Variants in KLHL1 observed in about 807,000 individuals in gnomAD.
KLHL1 encodes kelch-like protein 1.
Under a neutral mutation model 77.7 loss-of-function variants are expected in KLHL1, and 47 were observed. The observed-to-expected ratio is 0.60, with a 90% CI of 0.48 to 0.77. KLHL1 has a LOEUF of 0.77. Ranked by LOEUF, KLHL1 falls within the 30% of genes least tolerant of loss-of-function variation. The pLI, the probability that KLHL1 is intolerant of heterozygous loss-of-function variation, is 0.00. For synonymous variants in KLHL1, 360 were observed against 325.2 expected, an observed-to-expected ratio of 1.11 and a Z score of -1.15; for missense variants, 925 against 910.8, an observed-to-expected ratio of 1.02 and a Z score of -0.20.
intron 1 of KLHL1, among the ~76,000 whole-genome samples, chr13:69,986,044 C>G (rs1282390376): frequency 6.6e-6 from 1 of 151,206 alleles, no homozygotes; most frequent in Non-Finnish European, 1.5e-5. Flanking sequence ...TTCATACCCT[C>G]CAGGATATTA....
chr13:70,019,745 T>G (rs1885743527), intron 1 of KLHL1, among the ~76,000 whole-genome samples: 1 of 152,166 alleles, frequency 6.6e-6, no homozygotes, highest in Non-Finnish European at 1.5e-5. Context: ...TATATTATAC[T>G]GTCTCTTGAA....
chr13:69,971,972 CAA>C (rs1311528953), intron 2 of KLHL1, among the ~76,000 whole-genome samples: 1 of 151,852 alleles, frequency 6.6e-6, no homozygotes, highest in Non-Finnish European at 1.5e-5. Context: ...ATCAAGAAAA[CAA>C]AAGTTTTTCA....
At chr13:70,080,080 C>T (rs1887357867) in intron 1 of KLHL1, among the ~76,000 whole-genome samples, 1 of 152,120 alleles carries the variant, frequency 6.6e-6, no homozygotes, top group Admixed American at 6.5e-5. Context: ...TACTTGGAGC[C>T]ATACAGCATA....
At chr13:69,835,457 T>A (rs1169465174) in intron 6 of KLHL1, among the ~76,000 whole-genome samples, 1 of 151,978 alleles carries the variant, frequency 6.6e-6, no homozygotes, top group East Asian at 1.9e-4. Context: ...AACAATAAGA[T>A]CTGGAGCATC....
At chr13:69,811,233 G>T (rs1041074887) in intron 6 of KLHL1, among the ~76,000 whole-genome samples, 1 of 151,966 alleles carries the variant, frequency 6.6e-6, no homozygotes, top group African/African-American at 2.4e-5. Context: ...TCAACAAAAT[G>T]CTAGCAAATC....
At chr13:70,013,024 C>A (rs1244842131) in intron 1 of KLHL1, among the ~76,000 whole-genome samples, 1 of 151,980 alleles carries the variant, frequency 6.6e-6, no homozygotes, top group Non-Finnish European at 1.5e-5. Flanking sequence ...CACATAAGTT[C>A]TTGTATTTAC....
chr13:69,985,861 T>C (rs867876755), intron 1 of KLHL1, among the ~76,000 whole-genome samples: 1 of 89,936 alleles, frequency 1.1e-5, no homozygotes, highest in Non-Finnish European at 2.6e-5. Flanking sequence ...TATATATACA[T>C]AGTATTCCAC....
chr13:70,073,347 G>A (rs929576495), intron 1 of KLHL1, among the ~76,000 whole-genome samples: 1 of 152,022 alleles, frequency 6.6e-6, no homozygotes, highest in East Asian at 1.9e-4. Context: ...TCATAGGTGG[G>A]AATTGAACAA....
Position 69,882,322 on chromosome 13 carries a change from C to A in KLHL1, c.1188G>T (p.Met396Ile). 8.7e-6 allele frequency: 14 copies of A among 1,613,986 alleles called. No homozygotes were observed. Among genetic ancestry groups the A allele is most frequent in the Non-Finnish European group, 1.0e-5 (12 of 1,179,878 alleles). Residue 396 changes from methionine (M) to isoleucine (I), a missense_variant, in exon 5 of 11, where the codon ATG (methionine) becomes ATT (isoleucine). Coordinates refer to ENST00000377844, the MANE Select transcript of KLHL1 (RefSeq NM_020866.3). ...GTGGCAGTCTTATAAAGGCAAGAAG[C>A]ATGCTCAGGTCATTGCATCTACTCT... ...DMQSRCNDLSMLLAFIRLPLL... is the reference protein window; with the variant it reads ...DMQSRCNDLSILLAFIRLPLL...
At chr13:69,821,341 G>A (rs530767458) in intron 6 of KLHL1, among the ~76,000 whole-genome samples, 24 of 151,554 alleles carry the variant, frequency 1.6e-4, no homozygotes, top group African/African-American at 5.8e-4. Context: ...TTGAGATAGA[G>A]TCTCACTCTG....
intron 4 of KLHL1, among the ~76,000 whole-genome samples, chr13:69,928,789 G>A (rs1051435807): frequency 6.6e-6 from 1 of 152,094 alleles, no homozygotes; most frequent in Non-Finnish European, 1.5e-5. Context: ...CGAATAGGTA[G>A]AGGTATCTTG....
At chr13:69,752,161 A>G (rs9599508) in intron 7 of KLHL1, among the ~76,000 whole-genome samples, 9 of 151,872 alleles carry the variant, frequency 5.9e-5, no homozygotes, top group Admixed American at 5.9e-4. Context: ...TCAGTATTCA[A>G]TATGTTGAAG....
intron 4 of KLHL1, among the ~76,000 whole-genome samples, chr13:69,911,125 T>C (rs1413457203): frequency 1.3e-5 from 2 of 152,024 alleles, no homozygotes; most frequent in Non-Finnish European, 2.9e-5. Flanking sequence ...CTCTCTCTCT[T>C]CTGTCTCCCT....
At chr13:70,061,342 T>C (rs971441824) in intron 1 of KLHL1, among the ~76,000 whole-genome samples, 2 of 54,682 alleles carry the variant, frequency 3.7e-5, no homozygotes. Flanking sequence ...TGAATTCCAT[T>C]TTTTTTTTTT....
chr13:69,735,718 A>C, intron 8 of KLHL1, among the ~76,000 whole-genome samples: 1 of 151,782 alleles, frequency 6.6e-6, no homozygotes, highest in East Asian at 1.9e-4. Context: ...AGAAGAAAAT[A>C]TTAATATTTC....
At chr13:69,891,984 A>C (rs551145344) in intron 4 of KLHL1, among the ~76,000 whole-genome samples, 1 of 152,116 alleles carries the variant, frequency 6.6e-6, no homozygotes, top group South Asian at 2.1e-4. Flanking sequence ...TTTCTCAAAT[A>C]TGTTAATTAC....
chr13:69,844,887 T>C (rs1291535275), intron 5 of KLHL1, among the ~76,000 whole-genome samples: 1 of 151,656 alleles, frequency 6.6e-6, no homozygotes, highest in African/African-American at 2.4e-5. Context: ...ATCTTGGAAC[T>C]GGTACAGGAC....
At chr13:70,038,665 A>G (rs1886299875) in intron 1 of KLHL1, among the ~76,000 whole-genome samples, 1 of 132,106 alleles carries the variant, frequency 7.6e-6, no homozygotes, top group East Asian at 2.4e-4. Flanking sequence ...ATCTCAGCTC[A>G]CTGTAACCTC....
In KLHL1 at chr13:69,796,774, C is replaced by T; in HGVS notation, c.1603G>A (p.Val535Ile). Residue 535 changes from valine (V) to isoleucine (I), a missense_variant, in exon 7 of 11, where the codon GTC becomes ATC. Coordinates refer to ENST00000377844, the MANE Select transcript of KLHL1 (RefSeq NM_020866.3). ...CTGTGTGTTGACATTGGTGGTAAGA[C>T]AGTCCATGTCTTGGTTTTGGGATTG... The part of the protein sequence containing the change: ...CYNPKTKTWT[V>I]LPPMSTHRHG... 6.2e-7 allele frequency: 1 copy of T among 1,614,034 alleles called. No homozygotes were observed. Among genetic ancestry groups the T allele is most frequent in the Non-Finnish European group, 8.5e-7 (1 of 1,179,940 alleles).
Sources: gnomAD v4.1 joint callset for allele counts (sites outside exome capture counted in the v4.1 genomes callset) on GRCh38, gnomAD v4.1.1 for gene constraint, MANE v1.5 for transcripts, NCBI Gene and HGNC (gene_info 2026-07-23, HGNC 2026-07-21) for gene names.